MTUS2: variants seen among roughly 807,000 people sequenced by gnomAD.
MTUS2 encodes the protein microtubule associated scaffold protein 2, also known as microtubule-associated tumor suppressor candidate 2.
A neutral mutation model predicts 114.1 loss-of-function variants in MTUS2; 40 were observed. The ratio of observed to expected loss-of-function variants is 0.35; its 90% CI spans 0.27 to 0.46. The LOEUF is 0.46. Ranked by LOEUF, MTUS2 falls within the 20% of genes least tolerant of loss-of-function variation. The pLI, the probability that MTUS2 is intolerant of heterozygous loss-of-function variation, is 1.00. For synonymous variants in MTUS2, 688 were observed against 672.0 expected (o/e 1.02, Z -0.37); for missense variants, 1,679 against 1,705.4 (o/e 0.98, Z 0.27).
At position 29,317,730 on chromosome 13, in the gene MTUS2, G is replaced by A. The variant is rs868846654; in HGVS notation, c.2807-6883G>A. Reference sequence around the variant, plus strand: ...TGGGATTACAGGCGTGAGCCACCGCGCCCGGCCTCTCTCTTTAGTTTATAA... The same window carrying A: ...TGGGATTACAGGCGTGAGCCACCGCACCCGGCCTCTCTCTTTAGTTTATAA... On this transcript the variant is annotated intron_variant, in intron 6 of 15. Transcript: ENST00000612955. Among the ~76,000 whole-genome samples, 630 of 149,960 alleles carry A rather than the reference G, an allele frequency of 4.2e-3. 235 individuals carry two copies. The highest frequency in any genetic ancestry group is 0.014 in the African/African-American group (569 of 40,908).
rs1019673806 is a variant in MTUS2 at position 28,968,549 on chromosome 13, C to T, written c.-242-55908C>T. On this transcript the variant is annotated intron_variant, in intron 2 of 15. Coordinates refer to ENST00000612955, the MANE Select transcript of MTUS2 (RefSeq NM_001033602.4). ...AAGGAATCTAAAGTTCCTGGGATTTCAACTTAACAGGTTAGAACTTGGACT... is the reference window on the plus strand; with the variant it reads ...AAGGAATCTAAAGTTCCTGGGATTTTAACTTAACAGGTTAGAACTTGGACT... Among the ~76,000 whole-genome samples the T allele has an allele frequency of 2.6e-5, 4 of 152,238 alleles. No homozygotes were observed. In the East Asian group the frequency reaches 7.7e-4, roughly 29 times the overall value.
Position 29,438,159 on chromosome 13 carries a change from C to G in MTUS2, c.3118-1824C>G, listed in dbSNP as rs1343009916. 3.9e-5 allele frequency among the ~76,000 whole-genome samples: 6 copies of G among 152,206 alleles called. No individual in the cohort carries two copies. The East Asian group carries it at 1.2e-3, about 29-fold the overall frequency. On this transcript the variant is annotated intron_variant, in intron 8 of 15. Transcript: ENST00000612955. ...ACATTAATTTAATCCTCATGACAAC[C>G]CTGCACAGTGGGTGTAGCATTAGAG...
intron 5 of MTUS2, among the ~76,000 whole-genome samples, chr13:29,261,956 T>A (rs1897488750): frequency 6.6e-6 from 1 of 152,244 alleles, no homozygotes. Flanking sequence ...TATATTAGCC[T>A]TTGGTCTTTT....
intron 2 of MTUS2, among the ~76,000 whole-genome samples, chr13:28,931,924 C>T (rs551082082): frequency 5.3e-5 from 8 of 152,202 alleles, no homozygotes; most frequent in Admixed American, 6.5e-5. Flanking sequence ...TGAGAACATG[C>T]GGTGTCAACC....
At chr13:29,500,794 CACA>C (rs1882840134) in intron 14 of MTUS2, among the ~76,000 whole-genome samples, 1 of 31,046 alleles carries the variant, frequency 3.2e-5, no homozygotes, top group African/African-American at 1.8e-4. Flanking sequence ...ACATCAGAAA[CACA>C]CACACACACA....
chr13:29,286,666 C>A (rs867391279), intron 6 of MTUS2, among the ~76,000 whole-genome samples: 1 of 149,486 alleles, frequency 6.7e-6, no homozygotes. Flanking sequence ...GTCTGTCTGT[C>A]TGTCTGTCTA....
At chr13:29,180,398 A>G (rs1893947925) in intron 5 of MTUS2, among the ~76,000 whole-genome samples, 2 of 152,250 alleles carry the variant, frequency 1.3e-5, no homozygotes, top group Admixed American at 6.5e-5. Context: ...GAGATAAAGA[A>G]AAGTAGAATG....
chr13:29,499,094 C>T (rs1258652548), intron 14 of MTUS2, among the ~76,000 whole-genome samples: 1 of 152,208 alleles, frequency 6.6e-6, no homozygotes, highest in African/African-American at 2.4e-5. Flanking sequence ...ATCCCCTCCC[C>T]AGTTCTCTGC....
chr13:29,336,752 T>G (rs1901084859), intron 7 of MTUS2, among the ~76,000 whole-genome samples: 2 of 152,208 alleles, frequency 1.3e-5, no homozygotes, highest in African/African-American at 4.8e-5. Context: ...CACCTGCCCC[T>G]TTCCCCAGAT....
intron 2 of MTUS2, among the ~76,000 whole-genome samples, chr13:28,910,915 G>A (rs1299187673): frequency 3.6e-5 from 4 of 110,082 alleles, no homozygotes; most frequent in Non-Finnish European, 6.7e-5. Flanking sequence ...TTGCTCTGTT[G>A]TGCAGACTGG....
At chr13:29,080,272 GT>G (rs1290099928) in intron 4 of MTUS2, among the ~76,000 whole-genome samples, 1 of 152,070 alleles carries the variant, frequency 6.6e-6, no homozygotes, top group Admixed American at 6.5e-5. Flanking sequence ...TTATAAAGTA[GT>G]TTGGTATGAG....
rs778238591 is a variant in MTUS2 at position 29,126,695 on chromosome 13, ATTC to A, written c.2644+25731_2644+25733del. ...TATATTTTATGTGTGGCCCAAGACA[ATTC>A]TTCTTTCAATGTGGCCCAGGGAAGC... On this transcript the variant is annotated intron_variant, in intron 5 of 15. Transcript: ENST00000612955. 4.6e-5 allele frequency among the ~76,000 whole-genome samples: 7 copies of A among 152,066 alleles called. No individual in the cohort carries two copies. In the South Asian group the frequency reaches 1.2e-3, roughly 27 times the overall value.
intron 2 of MTUS2, among the ~76,000 whole-genome samples, chr13:28,962,452 G>T (rs1182159302): frequency 2.0e-5 from 3 of 152,056 alleles, no homozygotes; most frequent in African/African-American, 7.2e-5. Context: ...CTCCTGAATT[G>T]CAGCCTTCAA....
intron 8 of MTUS2, among the ~76,000 whole-genome samples, chr13:29,439,350 C>T (rs894950758): frequency 7.9e-5 from 12 of 152,106 alleles, no homozygotes; most frequent in Admixed American, 2.0e-4. Context: ...TTTAGTTATA[C>T]GGGGCATTTT....
intron 2 of MTUS2, among the ~76,000 whole-genome samples, chr13:28,903,615 A>G (rs897479682): frequency 6.6e-6 from 1 of 151,962 alleles, no homozygotes; most frequent in Admixed American, 6.6e-5. Flanking sequence ...ATGGCTGCAT[A>G]GCATTCCATG....
chr13:29,181,929 G>T (rs1229171091), intron 5 of MTUS2, among the ~76,000 whole-genome samples: 1 of 152,006 alleles, frequency 6.6e-6, no homozygotes, highest in African/African-American at 2.4e-5. Context: ...TCCTAAGAAA[G>T]TGCTCTCACA....
At chr13:29,445,083 T>A (rs566308214) in intron 9 of MTUS2, among the ~76,000 whole-genome samples, 1 of 152,214 alleles carries the variant, frequency 6.6e-6, no homozygotes, top group Non-Finnish European at 1.5e-5. Flanking sequence ...AGAAGGTCTG[T>A]AGTTTGCATA....
Position 29,503,164 on chromosome 13 carries a change from G to T in MTUS2, c.4068G>T (p.Ser1356=), listed in dbSNP as rs1317703230. The change falls in exon 16 of 16, where the codon TCG becomes TCT. Residue 1356 remains serine (S), a synonymous_variant. Transcript: ENST00000612955. ...PTSPVYRGSS[S]GPSSPARVST... ...CTCCCGTTTACCGCGGCTCCTCCTC[G>T]GGGCCCTCCTCTCCGGCCAGAGTCA... The T allele has an allele frequency of 1.2e-6, 2 of 1,613,998 alleles. No individual in the cohort carries two copies. Among genetic ancestry groups the T allele is most frequent in the Non-Finnish European group, 1.7e-6 (2 of 1,180,036 alleles).
At chr13:29,033,012 T>C (rs762048473) in intron 3 of MTUS2, among the ~76,000 whole-genome samples, 3 of 152,204 alleles carry the variant, frequency 2.0e-5, no homozygotes, top group Non-Finnish European at 4.4e-5. Context: ...GAATTGCATA[T>C]ATAAAAGGTA....
Sources: allele counts gnomAD v4.1 joint callset (sites outside exome capture counted in the v4.1 genomes callset), GRCh38; gene constraint gnomAD v4.1.1; transcripts MANE v1.5; gene names NCBI Gene and HGNC (gene_info 2026-07-23, HGNC 2026-07-21).